The following FRMPD1 variants were observed in gnomAD, a reference collection of about 807,000 sequenced individuals.
FRMPD1 encodes the protein FERM and PDZ domain containing 1.
In FRMPD1, 76 loss-of-function variants were observed where a neutral mutation model predicts 117.8. The observed-to-expected ratio is 0.65, with a 90% CI of 0.54 to 0.78. The LOEUF is 0.78. Ranked by LOEUF, FRMPD1 falls within the 30% of genes least tolerant of loss-of-function variation. The pLI is 0.00. For synonymous variants in FRMPD1, 783 were observed against 770.4 expected, an observed-to-expected ratio of 1.02 and a Z score of -0.27; for missense variants, 1,786 against 1,964.5, an observed-to-expected ratio of 0.91 and a Z score of 1.72.
At chr9:37,662,545 C>A (rs1821032430) in intron 1 of FRMPD1, among the ~76,000 whole-genome samples, 2 of 152,270 alleles carry the variant, frequency 1.3e-5, no homozygotes, top group African/African-American at 2.4e-5. Flanking sequence ...GGATCGGAAC[C>A]AGAACAGGGA....
the FRMPD1 span, among the ~76,000 whole-genome samples, chr9:37,618,470 C>T: frequency 6.6e-6 from 1 of 152,120 alleles, no homozygotes; most frequent in Non-Finnish European, 1.5e-5. Context: ...TCTCTTTTCT[C>T]ATCCACAATC....
chr9:37,736,840 AGTGT>A (rs1026744105), intron 13 of FRMPD1, among the ~76,000 whole-genome samples: 59 of 150,432 alleles, frequency 3.9e-4, no homozygotes, highest in African/African-American at 1.4e-3. Context: ...TGTGTGAGTG[AGTGT>A]GTGAGTGCGT....
the FRMPD1 span, among the ~76,000 whole-genome samples, chr9:37,626,922 C>G: frequency 3.3e-5 from 5 of 152,140 alleles, no homozygotes; most frequent in African/African-American, 1.2e-4. Flanking sequence ...GAAGTTCGAG[C>G]AGTACTGGTT....
the FRMPD1 span, among the ~76,000 whole-genome samples, chr9:37,637,971 T>TCTTTCTTTCTTTCTTTC: frequency 1.6e-3 from 127 of 78,856 alleles, 18 homozygotes; most frequent in African/African-American, 5.1e-3. Context: ...ATGCTTTCTT[T>TCTTTCTTTCTTTCTTTC]CTTTCTTTCT....
At chr9:37,710,383 A>T (rs537368020) in intron 4 of FRMPD1, among the ~76,000 whole-genome samples, 1 of 152,290 alleles carries the variant, frequency 6.6e-6, no homozygotes, top group African/African-American at 2.4e-5. Flanking sequence ...GGAAAATATG[A>T]TCGATTTTCT....
chr9:37,666,141 G>T (rs1216317711), intron 1 of FRMPD1, among the ~76,000 whole-genome samples: 3 of 152,080 alleles, frequency 2.0e-5, no homozygotes, highest in African/African-American at 7.2e-5. Flanking sequence ...CAAATTTTAG[G>T]TAGGTAGTAG....
At chr9:37,702,257 G>A (rs898480301) in intron 2 of FRMPD1, among the ~76,000 whole-genome samples, 1 of 152,220 alleles carries the variant, frequency 6.6e-6, no homozygotes, top group African/African-American at 2.4e-5. Context: ...GATATGTACA[G>A]TATTTTGCTC....
intron 1 of FRMPD1, among the ~76,000 whole-genome samples, chr9:37,673,712 A>G (rs987043082): frequency 1.3e-5 from 2 of 152,232 alleles, no homozygotes; most frequent in Non-Finnish European, 1.5e-5. Context: ...CCAAACCTCA[A>G]TTCTTGACTT....
At chr9:37,714,605 ATTTTATTTTATTTTATTTTGTTTTG>A (rs1438970422) in intron 5 of FRMPD1, among the ~76,000 whole-genome samples, 2 of 78,324 alleles carry the variant, frequency 2.6e-5, no homozygotes, top group Admixed American at 1.7e-4. Flanking sequence ...ATTTTATTTT[ATTTTATTTTATTTTATTTTGTTTTG>A]TTTTATTTTA....
intron 1 of FRMPD1, among the ~76,000 whole-genome samples, chr9:37,665,558 T>C (rs1563922917): frequency 6.6e-6 from 1 of 152,150 alleles, no homozygotes; most frequent in Non-Finnish European, 1.5e-5. Flanking sequence ...CCCTTGAACT[T>C]CTGAAATTAT....
intron 1 of FRMPD1, among the ~76,000 whole-genome samples, chr9:37,654,513 G>A (rs1820781679): frequency 6.6e-6 from 1 of 152,212 alleles, no homozygotes; most frequent in Non-Finnish European, 1.5e-5. Flanking sequence ...TTAATCTTCT[G>A]AACTTCAGTT....
chr9:37,667,728 T>C (rs1821211236), intron 1 of FRMPD1, among the ~76,000 whole-genome samples: 1 of 152,026 alleles, frequency 6.6e-6, no homozygotes, highest in Non-Finnish European at 1.5e-5. Context: ...GCTTATTTCT[T>C]TTTCAACCTC....
intron 15 of FRMPD1, among the ~76,000 whole-genome samples, chr9:37,744,153 G>A (rs2118521797): frequency 6.6e-6 from 1 of 152,176 alleles, no homozygotes; most frequent in East Asian, 1.9e-4. Context: ...TCACGCCACT[G>A]CACTCCAGCC....
Position 37,724,284 on chromosome 9 carries a change from C to T in FRMPD1, c.576C>T (p.Thr192=). 6.2e-7 allele frequency: 1 copy of T among 1,600,544 alleles called. No homozygotes were observed. Among genetic ancestry groups the T allele is most frequent in the Non-Finnish European group, 8.6e-7 (1 of 1,167,796 alleles). ...VLKLYLENGQ[T]KAFKFEANTT... is the part of the protein sequence containing the mutation. ...AGCTATACTTGGAGAATGGACAGACCAAAGCTTTCAAGTTTGAGGCAAACA... is the reference window on the plus strand; with the variant it reads ...AGCTATACTTGGAGAATGGACAGACTAAAGCTTTCAAGTTTGAGGCAAACA... The change falls in exon 7 of 16, where the codon ACC becomes ACT. Residue 192 remains threonine (T), a synonymous_variant. Coordinates refer to ENST00000377765, the MANE Select transcript of FRMPD1 (RefSeq NM_014907.3).
chr9:37,616,408 C>T, the FRMPD1 span, among the ~76,000 whole-genome samples: 1,079 of 151,826 alleles, frequency 7.1e-3, 2 homozygotes, highest in Non-Finnish European at 0.012. Flanking sequence ...TGAGCCACTG[C>T]GCCCGGCCCA....
chr9:37,614,160 A>G, the FRMPD1 span, among the ~76,000 whole-genome samples: 6 of 152,218 alleles, frequency 3.9e-5, no homozygotes. Context: ...TGGGGTAGCA[A>G]TTATGGAAGT....
Position 37,744,567 on chromosome 9 carries a change from C to T in FRMPD1, c.2535C>T (p.Asp845=). Residue 845 remains aspartate, a synonymous_variant, in exon 16 of 16, where the codon GAC becomes GAT. Transcript: ENST00000377765. ...LRKRRSFLQT[D]YTSQVSFPLV... ...AAAGAAGGTCTTTCCTACAGACCGA[C>T]TACACCTCTCAGGTCTCATTTCCCC... is the stretch of plus-strand genomic sequence containing the variant. 1 of 1,614,150 alleles carries T rather than the reference C, an allele frequency of 6.2e-7. No individual in the cohort carries two copies. The highest frequency in any genetic ancestry group is 8.5e-7 in the Non-Finnish European group (1 of 1,179,986).
intron 1 of FRMPD1, among the ~76,000 whole-genome samples, chr9:37,680,628 T>G (rs1004612034): frequency 2.6e-5 from 4 of 152,280 alleles, no homozygotes; most frequent in Middle Eastern, 3.4e-3. Context: ...CTTTCCCACC[T>G]CCTGCATCTC....
At chr9:37,694,528 C>G (rs946428273) in intron 2 of FRMPD1, among the ~76,000 whole-genome samples, 2 of 152,114 alleles carry the variant, frequency 1.3e-5, no homozygotes, top group Admixed American at 6.6e-5. Context: ...TCTGCCAGCC[C>G]CAGGTAACCA....
Sources: gnomAD v4.1 joint callset for allele counts (sites outside exome capture counted in the v4.1 genomes callset) on GRCh38, gnomAD v4.1.1 for gene constraint, MANE v1.5 for transcripts, NCBI Gene and HGNC (gene_info 2026-07-23, HGNC 2026-07-21) for gene names.